UVRAG: variants seen among roughly 807,000 people sequenced by gnomAD.
UVRAG encodes UV radiation resistance associated.
A neutral mutation model predicts 78.0 loss-of-function variants in UVRAG; 19 were observed. That is an observed-to-expected ratio of 0.24 (90% CI 0.17 to 0.36). The LOEUF (loss-of-function observed/expected upper bound fraction) is 0.36, where lower values mean the gene tolerates loss of function less well. UVRAG is among the 10% of genes least tolerant of loss of function. UVRAG has a pLI of 1.00. For synonymous variants in UVRAG, 323 were observed against 324.6 expected (o/e 1.00, Z 0.05); for missense variants, 740 against 853.8 (o/e 0.87, Z 1.66).
chr11:75,905,151 G>A (rs1460491903), intron 5 of UVRAG, among the ~76,000 whole-genome samples: 1 of 152,072 alleles, frequency 6.6e-6, no homozygotes, highest in Non-Finnish European at 1.5e-5. Context: ...TTTCTCCTGA[G>A]AATCTTAAAT....
At chr11:75,885,937 C>T (rs1799084825) in intron 4 of UVRAG, among the ~76,000 whole-genome samples, 1 of 147,422 alleles carries the variant, frequency 6.8e-6, no homozygotes, top group African/African-American at 2.7e-5. Flanking sequence ...ATCTTATTAT[C>T]TCACCGTTTT....
At chr11:75,893,803 A>G (rs1316761882) in intron 5 of UVRAG, among the ~76,000 whole-genome samples, 2 of 149,968 alleles carry the variant, frequency 1.3e-5, no homozygotes, top group East Asian at 2.0e-4. Flanking sequence ...TGATCGCACC[A>G]TTGCACTCTA....
chr11:76,059,693 A>G (rs918311075), intron 12 of UVRAG, among the ~76,000 whole-genome samples: 13 of 152,218 alleles, frequency 8.5e-5, no homozygotes, highest in African/African-American at 1.7e-4. Flanking sequence ...CAGAGGGGAA[A>G]TGATTTGTCA....
chr11:75,993,599 A>G (rs1949652929), intron 8 of UVRAG, among the ~76,000 whole-genome samples: 1 of 152,172 alleles, frequency 6.6e-6, no homozygotes, highest in Non-Finnish European at 1.5e-5. Context: ...AATCTTTGAA[A>G]AGCAACACTC....
chr11:76,001,850 C>T lies in UVRAG; in HGVS notation c.827-2155C>T, dbSNP rs73496119. ...GTTAATAGAGAAGATGGGGGGGCTT[C>T]TGCTTAGAGAAGAATGCTGAGTGCT... is the stretch of plus-strand genomic sequence containing the variant. On this transcript the variant is annotated intron_variant, in intron 8 of 14. Coordinates refer to ENST00000356136, the MANE Select transcript of UVRAG (RefSeq NM_003369.4). Among the ~76,000 whole-genome samples, 133 of 152,200 alleles carry T rather than the reference C, an allele frequency of 8.7e-4. 1 individual carries two copies. Among genetic ancestry groups the T allele is most frequent in the African/African-American group, 2.8e-3 (117 of 41,514 alleles).
intron 6 of UVRAG, among the ~76,000 whole-genome samples, chr11:75,917,704 C>T (rs1176270270): frequency 6.6e-6 from 1 of 152,124 alleles, no homozygotes; most frequent in African/African-American, 2.4e-5. Context: ...CTTTTCTTTT[C>T]CCTGGTTTGT....
At chr11:75,845,598 T>C (rs532383278) in intron 1 of UVRAG, among the ~76,000 whole-genome samples, 2 of 152,348 alleles carry the variant, frequency 1.3e-5, no homozygotes, top group Admixed American at 6.5e-5. Context: ...AAAAACTTCA[T>C]GTTCTCCCTT....
At chr11:75,860,337 G>T (rs944751520) in intron 2 of UVRAG, among the ~76,000 whole-genome samples, 1 of 152,180 alleles carries the variant, frequency 6.6e-6, no homozygotes, top group African/African-American at 2.4e-5. Context: ...TAGACACTTT[G>T]CAGATTAAGC....
intron 14 of UVRAG, among the ~76,000 whole-genome samples, chr11:76,127,649 AAAT>A (rs1308826121): frequency 1.1e-3 from 167 of 150,812 alleles, no homozygotes; most frequent in African/African-American, 3.8e-3. Context: ...AAAAAAAAAA[AAAT>A]GAATGAATGA....
intron 4 of UVRAG, among the ~76,000 whole-genome samples, chr11:75,880,578 G>A (rs1036453420): frequency 6.6e-6 from 1 of 152,022 alleles, no homozygotes; most frequent in African/African-American, 2.4e-5. Flanking sequence ...TTGAGACGAA[G>A]TTTCACTCTT....
chr11:75,851,155 T>C (rs957254323), intron 1 of UVRAG, among the ~76,000 whole-genome samples: 1 of 152,250 alleles, frequency 6.6e-6, no homozygotes, highest in Non-Finnish European at 1.5e-5. Flanking sequence ...CTTTTTGATA[T>C]ATGAGTTGAT....
At chr11:75,836,517 A>G (rs1369405857) in intron 1 of UVRAG, among the ~76,000 whole-genome samples, 2 of 152,120 alleles carry the variant, frequency 1.3e-5, no homozygotes, top group Non-Finnish European at 2.9e-5. Context: ...CAAACTTCCC[A>G]TGTTCTCACC....
At chr11:76,134,149 T>A (rs1338343297) in intron 14 of UVRAG, among the ~76,000 whole-genome samples, 2 of 151,780 alleles carry the variant, frequency 1.3e-5, no homozygotes, top group Non-Finnish European at 2.9e-5. Context: ...TTAGTAGAGA[T>A]GGGGTTTTGC....
intron 6 of UVRAG, among the ~76,000 whole-genome samples, chr11:75,944,501 A>T (rs35655430): frequency 0.24 from 35,862 of 152,030 alleles, 4,561 homozygotes; most frequent in Non-Finnish European, 0.28. Flanking sequence ...CTATTGACCT[A>T]GTCTTTTTCA....
intron 6 of UVRAG, among the ~76,000 whole-genome samples, chr11:75,958,389 G>A (rs2135192504): frequency 6.6e-6 from 1 of 152,146 alleles, no homozygotes; most frequent in South Asian, 2.1e-4. Context: ...TAAATTTTTT[G>A]TTGTCATTTC....
intron 5 of UVRAG, among the ~76,000 whole-genome samples, chr11:75,906,743 G>A (rs1331889793): frequency 6.6e-6 from 1 of 152,138 alleles, no homozygotes; most frequent in Non-Finnish European, 1.5e-5. Flanking sequence ...TTTAAAAGTG[G>A]CTATCCAGTT....
intron 13 of UVRAG, among the ~76,000 whole-genome samples, chr11:76,102,205 A>G (rs1740711094): frequency 6.6e-6 from 1 of 152,212 alleles, no homozygotes; most frequent in African/African-American, 2.4e-5. Flanking sequence ...GATTCTTTCA[A>G]TTCATGAGCA....
chr11:76,101,046 T>G (rs1399581243), intron 13 of UVRAG, among the ~76,000 whole-genome samples: 1 of 152,208 alleles, frequency 6.6e-6, no homozygotes. Flanking sequence ...TTATTGCAGT[T>G]ATGAACAGTG....
At chr11:76,091,840 T>A (rs1951704042) in intron 13 of UVRAG, among the ~76,000 whole-genome samples, 2 of 152,278 alleles carry the variant, frequency 1.3e-5, no homozygotes, top group African/African-American at 4.8e-5. Flanking sequence ...TATATTTGTT[T>A]TTTTTTTATT....
Sources: gnomAD v4.1 joint callset for allele counts (sites outside exome capture counted in the v4.1 genomes callset) on GRCh38, gnomAD v4.1.1 for gene constraint, MANE v1.5 for transcripts, NCBI Gene and HGNC (gene_info 2026-07-23, HGNC 2026-07-21) for gene names.